Variants in CHST11 observed in about 807,000 individuals in gnomAD.
The protein encoded by CHST11 is C4S-1.
A neutral mutation model predicts 30.4 loss-of-function variants in CHST11; 9 were observed. The ratio of observed to expected loss-of-function variants is 0.30; its 90% CI spans 0.18 to 0.52. The LOEUF is 0.52. CHST11 is among the 20% of genes least tolerant of loss of function. The probability of loss-of-function intolerance (pLI) is 0.97; values close to 1 mark genes in which losing one functional copy is unlikely to be tolerated. For synonymous variants in CHST11, 152 were observed against 187.8 expected (o/e 0.81, Z 1.56); for missense variants, 348 against 460.6 (o/e 0.76, Z 2.24).
At chr12:104,611,339 T>G (rs559675521) in intron 2 of CHST11, among the ~76,000 whole-genome samples, 33 of 152,366 alleles carry the variant, frequency 2.2e-4, no homozygotes, top group South Asian at 1.7e-3. Flanking sequence ...GTACATCAAG[T>G]GCTCAGTAGC....
chr12:104,509,863 AC>A (rs2037946021), intron 1 of CHST11, among the ~76,000 whole-genome samples: 1 of 152,262 alleles, frequency 6.6e-6, no homozygotes, highest in Non-Finnish European at 1.5e-5. Flanking sequence ...GTGAATGAAC[AC>A]AAGAAAAACT....
At chr12:104,755,041 G>T (rs1480605588) in intron 2 of CHST11, among the ~76,000 whole-genome samples, 1 of 152,134 alleles carries the variant, frequency 6.6e-6, no homozygotes, top group African/African-American at 2.4e-5. Context: ...TTAATGCAGG[G>T]TGCAATGGCT....
intron 2 of CHST11, among the ~76,000 whole-genome samples, chr12:104,627,195 T>C (rs1476793324): frequency 2.0e-5 from 3 of 152,206 alleles, no homozygotes; most frequent in Non-Finnish European, 4.4e-5. Flanking sequence ...TAGTACTGAA[T>C]ATTCCATTGT....
At chr12:104,666,971 G>T (rs1424178718) in intron 2 of CHST11, among the ~76,000 whole-genome samples, 1 of 152,214 alleles carries the variant, frequency 6.6e-6, no homozygotes, top group East Asian at 1.9e-4. Context: ...ATGGCATGGG[G>T]CCTGGCAAAT....
At chr12:104,516,653 T>C (rs922294751) in intron 1 of CHST11, among the ~76,000 whole-genome samples, 2 of 152,092 alleles carry the variant, frequency 1.3e-5, no homozygotes, top group South Asian at 2.1e-4. Context: ...CCTCTGAGGC[T>C]CCCTGGTAAC....
At chr12:104,579,434 G>A (rs2038717384) in intron 1 of CHST11, among the ~76,000 whole-genome samples, 1 of 152,212 alleles carries the variant, frequency 6.6e-6, no homozygotes, top group East Asian at 1.9e-4. Context: ...TGACCTTGGG[G>A]GCATCACTTA....
chr12:104,558,241 G>A (rs916408744), intron 1 of CHST11, among the ~76,000 whole-genome samples: 9 of 152,138 alleles, frequency 5.9e-5, no homozygotes, highest in African/African-American at 1.9e-4. Context: ...GGGACCTGTC[G>A]AAGCCTTCGC....
chr12:104,462,181 A>AAAG lies in CHST11; in HGVS notation c.118+4654_118+4655insGAA, dbSNP rs777021053. On this transcript the variant is annotated intron_variant, in intron 1 of 2. Transcript: ENST00000303694. The stretch of plus-strand genomic sequence containing the variant: ...AAACACCATCTCAAAAAAAAAAAAA[A>AAAG]AAAAGAAAAAGAAAAGAAAAAAAGA... Among the ~76,000 whole-genome samples, 1,423 of 148,694 alleles carry AAAG rather than the reference A, an allele frequency of 9.6e-3. 20 individuals carry two copies. Among genetic ancestry groups the AAAG allele is most frequent in the South Asian group, 0.035 (161 of 4,594 alleles).
intron 1 of CHST11, among the ~76,000 whole-genome samples, chr12:104,570,869 T>G (rs1480920304): frequency 6.6e-6 from 1 of 152,094 alleles, no homozygotes; most frequent in African/African-American, 2.4e-5. Context: ...TTTTGTATTT[T>G]TAGTAGAGAC....
chr12:104,513,138 T>TGGGGGGGGGGGGGG (rs1565969843), intron 1 of CHST11, among the ~76,000 whole-genome samples: 2 of 3,338 alleles, frequency 6.0e-4, no homozygotes, highest in Non-Finnish European at 1.2e-3. Context: ...GGGGGGGGGG[T>TGGGGGGGGGGGGGG]TGGGGGTGGG....
chr12:104,475,382 G>A (rs1053423231), intron 1 of CHST11, among the ~76,000 whole-genome samples: 10 of 151,894 alleles, frequency 6.6e-5, no homozygotes, highest in African/African-American at 2.4e-4. Context: ...ATTAGTTTAG[G>A]GGAGGTCAGG....
In CHST11 at chr12:104,761,472, C is replaced by CAG. The variant is rs1388436285; in HGVS notation, c.*3670_*3671insGA. 3 of 147,840 alleles carry CAG rather than the reference C, an allele frequency of 2.0e-5. No homozygotes were observed. The highest frequency in any genetic ancestry group is 7.4e-5 in the African/African-American group (3 of 40,786). The allele number at this position is 147,840 out of a possible 1,614,324, so 9.2% of individuals were successfully genotyped here. On this transcript the variant is annotated 3_prime_UTR_variant, in exon 3 of 3. Transcript: ENST00000303694. ...CCTAGCCAGTCCTCCCCTACACACACACACACACACACACACACACACACA... is the reference window on the plus strand; with the variant it reads ...CCTAGCCAGTCCTCCCCTACACACACAGACACACACACACACACACACACACA...
intron 2 of CHST11, among the ~76,000 whole-genome samples, chr12:104,708,643 G>A (rs781365054): frequency 3.0e-4 from 46 of 152,218 alleles, no homozygotes; most frequent in Non-Finnish European, 4.6e-4. Context: ...ACCCCATGCC[G>A]TCCTCACCAT....
intron 2 of CHST11, among the ~76,000 whole-genome samples, chr12:104,607,130 TGATA>T (rs2039013396): frequency 6.6e-6 from 1 of 152,130 alleles, no homozygotes; most frequent in Non-Finnish European, 1.5e-5. Flanking sequence ...TTAGTGAACC[TGATA>T]GATAGCCCAG....
At position 104,760,689 on chromosome 12, in the gene CHST11, A is replaced by C. The variant is rs913443275; in HGVS notation, c.*2886A>C. ...CTGGCTTCTCTCTCTTAAGTGAGAAAGATTGTCCTTCAGGGGACATGACAT... is the reference window on the plus strand; with the variant it reads ...CTGGCTTCTCTCTCTTAAGTGAGAACGATTGTCCTTCAGGGGACATGACAT... On this transcript the variant is annotated 3_prime_UTR_variant, in exon 3 of 3. Transcript: ENST00000303694. The C allele has an allele frequency of 6.6e-6, 1 of 152,214 alleles. No homozygotes were observed. The highest frequency in any genetic ancestry group is 2.4e-5 in the African/African-American group (1 of 41,446). 9.4% of individuals were successfully genotyped at this position (152,214 alleles called of 1,614,324 possible).
intron 2 of CHST11, among the ~76,000 whole-genome samples, chr12:104,747,619 A>G (rs1395755582): frequency 2.6e-5 from 4 of 152,150 alleles, no homozygotes; most frequent in African/African-American, 9.7e-5. Flanking sequence ...ATTCTGAAAC[A>G]GAAAGATGAT....
chr12:104,533,640 T>C (rs2038207252), intron 1 of CHST11, among the ~76,000 whole-genome samples: 2 of 152,248 alleles, frequency 1.3e-5, no homozygotes, highest in Non-Finnish European at 2.9e-5. Flanking sequence ...ATTCTCCGCG[T>C]GATAATGATT....
At chr12:104,513,930 C>G (rs1185641319) in intron 1 of CHST11, 4 of 522,468 alleles carry the variant, frequency 7.7e-6, no homozygotes, top group Non-Finnish European at 1.4e-5. Context: ...TAAAGGAATA[C>G]CTGAGGCTGA....
At chr12:104,496,829 G>A (rs975268306) in intron 1 of CHST11, among the ~76,000 whole-genome samples, 1 of 152,026 alleles carries the variant, frequency 6.6e-6, no homozygotes, top group Non-Finnish European at 1.5e-5. Context: ...GGTGTGTTTT[G>A]AGGATCGTGG....
Sources: allele counts gnomAD v4.1 joint callset (sites outside exome capture counted in the v4.1 genomes callset), GRCh38; gene constraint gnomAD v4.1.1; transcripts MANE v1.5; gene names NCBI Gene and HGNC (gene_info 2026-07-23, HGNC 2026-07-21).